TDRD7: variants seen among roughly 807,000 people sequenced by gnomAD.
The protein encoded by TDRD7 is tudor domain-containing protein 7.
A neutral mutation model predicts 109.8 loss-of-function variants in TDRD7; 47 were observed. That is an observed-to-expected ratio of 0.43 (90% CI 0.34 to 0.55). TDRD7 has a LOEUF of 0.55. Among genes scored for constraint, TDRD7 ranks in the 20% least tolerant of loss-of-function variants. TDRD7 has a pLI of 0.03. For missense variants in TDRD7, 1,164 were observed against 1,319.2 expected, an observed-to-expected ratio of 0.88 and a Z score of 1.82; for synonymous variants, 424 against 457.3, an observed-to-expected ratio of 0.93 and a Z score of 0.93.
chr9:97,440,743 G>A (rs1347290929), intron 5 of TDRD7, among the ~76,000 whole-genome samples: 1 of 152,088 alleles, frequency 6.6e-6, no homozygotes, highest in African/African-American at 2.4e-5. Flanking sequence ...AATCCCAGCA[G>A]AGATACTATC....
At chr9:97,472,160 C>G (rs1828927995) in intron 9 of TDRD7, 133 bp from the exon 10 acceptor site, 2 of 794,032 alleles carry the variant, frequency 2.5e-6, no homozygotes, top group African/African-American at 1.8e-5. Context: ...TAAAACAAAG[C>G]TTTCATATAA....
intron 4 of TDRD7, among the ~76,000 whole-genome samples, chr9:97,434,361 T>G (rs1358968622): frequency 6.6e-6 from 1 of 152,220 alleles, no homozygotes; most frequent in Non-Finnish European, 1.5e-5. Flanking sequence ...GACGTGGGGT[T>G]AGGATGGGGG....
At chr9:97,423,144 A>G (rs1479506831) in intron 1 of TDRD7, among the ~76,000 whole-genome samples, 2 of 152,212 alleles carry the variant, frequency 1.3e-5, no homozygotes, top group Non-Finnish European at 2.9e-5. Flanking sequence ...CAGTAAAGCA[A>G]TCCGGGCTTC....
chr9:97,469,825 C>G (rs1587884859), intron 8 of TDRD7, among the ~76,000 whole-genome samples: 3 of 152,202 alleles, frequency 2.0e-5, no homozygotes, highest in African/African-American at 7.2e-5. Flanking sequence ...AATATCCAGG[C>G]TCTTAACAGT....
At position 97,470,543 on chromosome 9, in the gene TDRD7, G is replaced by A. The variant is rs1413096950; in HGVS notation, c.1630-15G>A. On this transcript the variant is annotated splice_polypyrimidine_tract_variant and intron_variant, in intron 8 of 16. Coordinates refer to ENST00000355295, the MANE Select transcript of TDRD7 (RefSeq NM_014290.3). The stretch of plus-strand genomic sequence containing the variant: ...GAGGATAAAGAACTAAACATTCTGT[G>A]TTTTTAATCATTAGGTATGCTATGT... 1 of 1,598,454 alleles carries A rather than the reference G, an allele frequency of 6.3e-7. No homozygotes were observed. The highest frequency in any genetic ancestry group is 8.6e-7 in the Non-Finnish European group (1 of 1,166,656).
chr9:97,494,726 C>CCGA (rs1564219987), intron 16 of TDRD7, among the ~76,000 whole-genome samples: 1 of 138,910 alleles, frequency 7.2e-6, no homozygotes, highest in Non-Finnish European at 1.5e-5. Flanking sequence ...TTTTTTTTTT[C>CCGA]GAGAGGGTCT....
intron 16 of TDRD7, among the ~76,000 whole-genome samples, chr9:97,491,151 C>T (rs543033049): frequency 6.6e-6 from 1 of 152,152 alleles, no homozygotes; most frequent in East Asian, 1.9e-4. Flanking sequence ...CTCCTGACTT[C>T]GTGATCCACC....
chr9:97,472,566 A>G (rs1298540062), intron 10 of TDRD7, 71 bp downstream of exon 10: 4 of 1,258,742 alleles, frequency 3.2e-6, no homozygotes. Context: ...AATATTATAC[A>G]TTTTAGGCTA....
At chr9:97,474,828 A>G (rs1274185085) in intron 11 of TDRD7, among the ~76,000 whole-genome samples, 2 of 152,192 alleles carry the variant, frequency 1.3e-5, no homozygotes, top group Non-Finnish European at 2.9e-5. Flanking sequence ...GAGACCATGG[A>G]CAGGTACCCC....
intron 13 of TDRD7, chr9:97,480,270 A>C (rs1829094025): frequency 6.1e-6 from 1 of 163,898 alleles, no homozygotes; most frequent in African/African-American, 2.4e-5. Flanking sequence ...GGGGAAAATG[A>C]AGCTTTTAGG....
chr9:97,466,248 G>A (rs1288202207), intron 8 of TDRD7, among the ~76,000 whole-genome samples: 3 of 152,098 alleles, frequency 2.0e-5, no homozygotes, highest in East Asian at 1.9e-4. Context: ...GGATACTGCT[G>A]TTTCTTAGCA....
intron 16 of TDRD7, among the ~76,000 whole-genome samples, chr9:97,494,526 G>T (rs1829361709): frequency 6.6e-6 from 1 of 151,932 alleles, no homozygotes; most frequent in Non-Finnish European, 1.5e-5. Flanking sequence ...CTTCTCTTGT[G>T]GGAAATAAAT....
chr9:97,435,792 TAAAATC>T (rs889897721), intron 4 of TDRD7, among the ~76,000 whole-genome samples: 1 of 152,122 alleles, frequency 6.6e-6, no homozygotes, highest in Non-Finnish European at 1.5e-5. Flanking sequence ...TTTCTAGTTA[TAAAATC>T]AAAATATCAA....
rs776541929 is a variant in TDRD7, at chr9:97,473,488, A to G, written c.1945-4A>G. The G allele has an allele frequency of 9.9e-6, 16 of 1,613,412 alleles. No individual in the cohort carries two copies. The South Asian group carries it at 1.5e-4, about 15-fold the overall frequency. On this transcript the variant is annotated splice_polypyrimidine_tract_variant and splice_region_variant and intron_variant, in intron 10 of 16. Coordinates refer to ENST00000355295, the MANE Select transcript of TDRD7 (RefSeq NM_014290.3). ...ATTCACGAGGTATCCTTTGTCTGTT[A>G]TAGGTTGACGCCATGTACACAAATG...
At chr9:97,422,725 G>GT (rs78020091) in intron 1 of TDRD7, among the ~76,000 whole-genome samples, 24,739 of 152,024 alleles carry the variant, frequency 0.16, 2,449 homozygotes, top group East Asian at 0.28. Flanking sequence ...TATTCTGAGA[G>GT]TTTTTTATCA....
intron 1 of TDRD7, among the ~76,000 whole-genome samples, chr9:97,423,489 T>C (rs1827931688): frequency 6.6e-6 from 1 of 152,074 alleles, no homozygotes; most frequent in Admixed American, 6.5e-5. Context: ...CTCTCCTATT[T>C]TTAAACTTCA....
rs149091066 is a variant in TDRD7 at position 97,447,675 on chromosome 9, C to T, written c.855+5800C>T. ...CGTTTTAACAATCCATGAATGGATC[C>T]CAGTCCCCCTACCCTCCCTGCACCT... On this transcript the variant is annotated intron_variant, in intron 6 of 16. Coordinates refer to ENST00000355295, the MANE Select transcript of TDRD7 (RefSeq NM_014290.3). Among the ~76,000 whole-genome samples the T allele has an allele frequency of 1.7e-3, 259 of 152,236 alleles. 1 individual carries two copies. Among genetic ancestry groups the T allele is most frequent in the Admixed American group, 4.6e-3 (70 of 15,292 alleles).
intron 6 of TDRD7, among the ~76,000 whole-genome samples, chr9:97,453,536 C>T (rs974733928): frequency 3.3e-5 from 5 of 151,276 alleles, no homozygotes; most frequent in African/African-American, 1.2e-4. Context: ...GAATGAAGAA[C>T]AGTATGGTAC....
rs755314880 is a variant in TDRD7, at chr9:97,472,310, G to A, written c.1759G>A (p.Asp587Asn). ...CKLAGLEVLS[D>N]DPDLVKVVES... ...TTTTTCAGGCTTGGAAGTCCTAAGC[G>A]ATGACCCTGATCTAGTGAAGGTGGT... The change falls in exon 10 of 17, where the codon GAT becomes AAT. Residue 587 changes from aspartate to asparagine, a missense_variant. Around this residue, in one of 5 missense-constraint regions of TDRD7, gnomAD observed 261 missense variants for 336.2 expected, o/e 0.78. Transcript: ENST00000355295. 39 of 1,613,800 alleles carry A rather than the reference G, an allele frequency of 2.4e-5. No homozygotes were observed. Among genetic ancestry groups the A allele is most frequent in the Middle Eastern group, 1.7e-4 (1 of 6,056 alleles).
Sources: gnomAD v4.1 joint callset for allele counts (sites outside exome capture counted in the v4.1 genomes callset) on GRCh38, gnomAD v4.1.1 for gene constraint, gnomAD v4.1.1 regional missense constraint, MANE v1.5 for transcripts, NCBI Gene and HGNC (gene_info 2026-07-23, HGNC 2026-07-21) for gene names.